The following NWD2 variants were observed in gnomAD, a reference collection of about 807,000 sequenced individuals.
NWD2 encodes the protein NACHT and WD repeat domain containing 2.
A neutral mutation model predicts 132.7 loss-of-function variants in NWD2; 37 were observed. The observed-to-expected ratio is 0.28, with a 90% CI of 0.21 to 0.37. The LOEUF is 0.37. NWD2 is among the 10% of genes least tolerant of loss of function. The pLI is 1.00. For missense variants in NWD2, 1,592 were observed against 2,122.4 expected (o/e 0.75, Z 4.91); for synonymous variants, 705 against 803.0 (o/e 0.88, Z 2.06).
At chr4:37,324,930 A>G (rs889793292) in intron 1 of NWD2, among the ~76,000 whole-genome samples, 14 of 152,316 alleles carry the variant, frequency 9.2e-5, no homozygotes, top group Middle Eastern at 3.4e-3. Context: ...TTAAACGGTT[A>G]TCTTTGTTAT....
chr4:37,374,270 G>C (rs1720299297), intron 3 of NWD2, among the ~76,000 whole-genome samples: 1 of 152,130 alleles, frequency 6.6e-6, no homozygotes, highest in South Asian at 2.1e-4. Flanking sequence ...CTCCCCTTTT[G>C]TCTTCCACCA....
chr4:37,404,647 A>C (rs1720959473), intron 3 of NWD2, among the ~76,000 whole-genome samples: 1 of 152,226 alleles, frequency 6.6e-6, no homozygotes, highest in Non-Finnish European at 1.5e-5. Flanking sequence ...ACAGCTATAA[A>C]GAAGTACCTG....
intron 1 of NWD2, among the ~76,000 whole-genome samples, chr4:37,297,213 T>G (rs1718513539): frequency 1.3e-5 from 2 of 152,298 alleles, no homozygotes; most frequent in South Asian, 4.2e-4. Context: ...CCCCCTTATA[T>G]GAGATGGCAT....
chr4:37,390,701 CTT>C (rs2109311755), intron 3 of NWD2, among the ~76,000 whole-genome samples: 1 of 152,270 alleles, frequency 6.6e-6, no homozygotes, highest in African/African-American at 2.4e-5. Context: ...GATCGACTCT[CTT>C]AGTTTTGTGC....
chr4:37,367,739 C>G (rs1720130860), intron 3 of NWD2, among the ~76,000 whole-genome samples: 1 of 152,086 alleles, frequency 6.6e-6, no homozygotes, highest in South Asian at 2.1e-4. Flanking sequence ...TTGTGTTGAA[C>G]ACGTTTCCTC....
intron 3 of NWD2, among the ~76,000 whole-genome samples, chr4:37,395,239 T>C (rs2109313303): frequency 6.6e-6 from 1 of 152,226 alleles, no homozygotes; most frequent in East Asian, 1.9e-4. Context: ...TGACACATGC[T>C]AAACTTCTTA....
intron 3 of NWD2, among the ~76,000 whole-genome samples, chr4:37,409,999 GA>G (rs1462529873): frequency 1.3e-5 from 2 of 152,170 alleles, no homozygotes; most frequent in Non-Finnish European, 2.9e-5. Context: ...AAGAGCTCCT[GA>G]AGGAAGCACT....
At chr4:37,345,119 A>G (rs920516602) in intron 2 of NWD2, among the ~76,000 whole-genome samples, 3 of 152,152 alleles carry the variant, frequency 2.0e-5, no homozygotes, top group South Asian at 2.1e-4. Context: ...TCTGTTGATC[A>G]CTTGATGGAC....
chr4:37,333,400 CTGTT>C (rs762861051), intron 2 of NWD2, among the ~76,000 whole-genome samples: 13 of 152,124 alleles, frequency 8.5e-5, no homozygotes, highest in South Asian at 2.1e-4. Context: ...GAGAGGGACT[CTGTT>C]TGAGAGAAAG....
At chr4:37,402,252 T>C (rs1470761163) in intron 3 of NWD2, among the ~76,000 whole-genome samples, 1 of 152,228 alleles carries the variant, frequency 6.6e-6, no homozygotes, top group Non-Finnish European at 1.5e-5. Context: ...ATTTTCTTTA[T>C]AAATTTCTCA....
chr4:37,378,651 C>T (rs1327132788), intron 3 of NWD2, among the ~76,000 whole-genome samples: 10 of 152,054 alleles, frequency 6.6e-5, no homozygotes, highest in Non-Finnish European at 2.9e-5. Flanking sequence ...ATTTGAGTGA[C>T]CTTTGAGCCA....
intron 2 of NWD2, among the ~76,000 whole-genome samples, chr4:37,355,080 G>C (rs1719846041): frequency 6.6e-6 from 1 of 152,182 alleles, no homozygotes; most frequent in Non-Finnish European, 1.5e-5. Flanking sequence ...ATGAGAGCCA[G>C]TATGGGGCTA....
At chr4:37,422,827 G>T (rs1250867016) in intron 3 of NWD2, among the ~76,000 whole-genome samples, 1 of 152,144 alleles carries the variant, frequency 6.6e-6, no homozygotes, top group African/African-American at 2.4e-5. Flanking sequence ...CTAATGCCTT[G>T]CCTTCTACTA....
intron 5 of NWD2, among the ~76,000 whole-genome samples, chr4:37,435,911 T>C (rs1285940988): frequency 1.3e-5 from 2 of 152,212 alleles, no homozygotes; most frequent in Admixed American, 6.5e-5. Flanking sequence ...ACGTGCCAAC[T>C]CTTTCAAATG....
chr4:37,382,215 A>G (rs574908658), intron 3 of NWD2, among the ~76,000 whole-genome samples: 2 of 152,224 alleles, frequency 1.3e-5, no homozygotes, highest in Non-Finnish European at 2.9e-5. Flanking sequence ...CAGAGATTTC[A>G]GGGGTAGCAA....
chr4:37,364,823 A>C (rs1188772128), intron 3 of NWD2, among the ~76,000 whole-genome samples: 2 of 152,096 alleles, frequency 1.3e-5, no homozygotes, highest in Non-Finnish European at 2.9e-5. Context: ...CAGTATGCAC[A>C]AAGTAAGAAG....
chr4:37,328,340 C>A (rs890969671), intron 2 of NWD2, among the ~76,000 whole-genome samples: 5 of 152,098 alleles, frequency 3.3e-5, no homozygotes, highest in African/African-American at 1.2e-4. Flanking sequence ...TGGTTTGCTG[C>A]ACCCATCAAC....
chr4:37,315,486 T>G (rs898376506), intron 1 of NWD2, among the ~76,000 whole-genome samples: 2 of 152,128 alleles, frequency 1.3e-5, no homozygotes, highest in Non-Finnish European at 1.5e-5. Flanking sequence ...TTATAGTTTT[T>G]TTTCCTCTAG....
At chr4:37,275,779 C>A (rs1342649920) in intron 1 of NWD2, among the ~76,000 whole-genome samples, 1 of 152,076 alleles carries the variant, frequency 6.6e-6, no homozygotes, top group Non-Finnish European at 1.5e-5. Flanking sequence ...GAACAGAGCC[C>A]TCAGAAGTAA....
Sources: gnomAD v4.1 joint callset for allele counts (sites outside exome capture counted in the v4.1 genomes callset) on GRCh38, gnomAD v4.1.1 for gene constraint, MANE v1.5 for transcripts, NCBI Gene and HGNC (gene_info 2026-07-23, HGNC 2026-07-21) for gene names.